Variants in NIPAL1 observed in about 807,000 individuals in gnomAD.
NIPAL1 encodes magnesium transporter NIPA3.
In NIPAL1, 35 loss-of-function variants were observed where a neutral mutation model predicts 37.7. The ratio of observed to expected loss-of-function variants is 0.93; its 90% confidence interval spans 0.71 to 1.23. The LOEUF is 1.23. Among genes scored for constraint, NIPAL1 ranks in the 50% most tolerant of loss-of-function variants. NIPAL1 has a pLI of 0.00. For synonymous variants in NIPAL1, 162 were observed against 183.0 expected (o/e 0.89, Z 0.93); for missense variants, 412 against 473.9 (o/e 0.87, Z 1.21).
intron 3 of NIPAL1, among the ~76,000 whole-genome samples, 159 bp from the exon 4 acceptor site, chr4:48,032,834 A>G (rs943144678): frequency 3.3e-5 from 5 of 152,172 alleles, no homozygotes; most frequent in African/African-American, 1.2e-4. Flanking sequence ...CTTAATATTA[A>G]TTATCTCCTA....
chr4:48,020,026 A>G (rs1336893575), intron 1 of NIPAL1, among the ~76,000 whole-genome samples: 1 of 152,146 alleles, frequency 6.6e-6, no homozygotes, highest in Non-Finnish European at 1.5e-5. Context: ...ACATACGTAT[A>G]GTTATTTGTT....
chr4:48,023,662 A>G (rs1460089360), intron 1 of NIPAL1, among the ~76,000 whole-genome samples: 2 of 152,220 alleles, frequency 1.3e-5, no homozygotes, highest in Non-Finnish European at 2.9e-5. Context: ...GATTATAAAA[A>G]GTTTCTTACA....
At position 48,016,852 on chromosome 4, in the gene NIPAL1, G is replaced by T. The variant is rs1451652289; in HGVS notation, c.13G>T (p.Val5Leu). MGAQ[V>L]RLPPGEPCRE... ...CGCTCCCGGGGCCATGGGGGCACAG[G>T]TGAGGCTGCCGCCCGGAGAGCCCTG... The change falls in exon 1 of 6, where the codon GTG (valine) becomes TTG (leucine). Residue 5 changes from valine (V) to leucine (L), a missense_variant. By Grantham distance (32) the Val-to-Leu change is conservative (BLOSUM62 1). Transcript: ENST00000295461. The T allele has an allele frequency of 6.3e-7, 1 of 1,590,460 alleles. No homozygotes were observed.
intron 2 of NIPAL1, among the ~76,000 whole-genome samples, chr4:48,028,123 G>T (rs1414205780): frequency 1.3e-5 from 2 of 152,034 alleles, no homozygotes; most frequent in Non-Finnish European, 2.9e-5. Flanking sequence ...AAAGTTTTAA[G>T]CAATCCTAAG....
intron 4 of NIPAL1, among the ~76,000 whole-genome samples, chr4:48,033,500 C>G (rs1021587389): frequency 1.3e-5 from 2 of 152,096 alleles, no homozygotes; most frequent in African/African-American, 4.8e-5. Flanking sequence ...CTCATCAGAA[C>G]AAATTGCCAG....
At chr4:48,024,177 C>T (rs538153151) in intron 1 of NIPAL1, among the ~76,000 whole-genome samples, 1 of 152,272 alleles carries the variant, frequency 6.6e-6, no homozygotes, top group East Asian at 1.9e-4. Flanking sequence ...TGGGGTTTCA[C>T]CATGTTGGCC....
In NIPAL1 at chr4:48,025,098, C is replaced by T; in HGVS notation, c.77C>T (p.Ser26Phe). The change falls in exon 2 of 6, where the codon TCC (serine) becomes TTC (phenylalanine). Residue 26 changes from serine (S) to phenylalanine (F), a missense_variant. Physicochemically the swap from Ser to Phe is radical, Grantham distance 155. Transcript: ENST00000295461. ...GTGCTGTCTCTGGTCTGTCCAAACTCCTCCCAGGCTTGGTGTGAGATCACA... is the reference window on the plus strand; with the variant it reads ...GTGCTGTCTCTGGTCTGTCCAAACTTCTCCCAGGCTTGGTGTGAGATCACA... ...GYVLSLVCPN[S>F]SQAWCEITNV... The T allele has an allele frequency of 6.2e-7, 1 of 1,614,062 alleles. No individual in the cohort carries two copies.
rs1416050941 is a variant in NIPAL1 at position 48,027,421 on chromosome 4, T to G, written c.313+2087T>G. Among the ~76,000 whole-genome samples the G allele has an allele frequency of 6.6e-6, 1 of 152,104 alleles. No individual in the cohort carries two copies. The highest frequency in any genetic ancestry group is 1.5e-5 in the Non-Finnish European group (1 of 68,008). On this transcript the variant is annotated intron_variant, in intron 2 of 5. Coordinates refer to ENST00000295461, the MANE Select transcript of NIPAL1 (RefSeq NM_207330.3). This position sits in a 1 kb window ranked among gnomAD's most constrained non-coding sequence, Gnocchi z 4.1. ...AACATAATTCCAACTTAGTTATTTG[T>G]AAATGTAATGACCAATAAACATACA...
intron 4 of NIPAL1, 84 bp downstream of exon 4, chr4:48,033,167 A>C: frequency 1.2e-6 from 1 of 844,930 alleles, no homozygotes. Flanking sequence ...ATGGCTATGG[A>C]TATCTAAAAG....
chr4:48,037,297 G>T lies in NIPAL1; in HGVS notation c.*1125G>T. 2.3e-6 allele frequency: 1 copy of T among 429,732 alleles called. No homozygotes were observed. The highest frequency in any genetic ancestry group is 4.6e-6 in the Non-Finnish European group (1 of 216,188). The allele number at this position is 429,732 out of a possible 1,614,324, so 26.6% of individuals were successfully genotyped here. ...TTCACAGGTTCCATTAATTAACTCAGGTCTGGAAGACATAGGACAAAATGG... is the reference window on the plus strand; with the variant it reads ...TTCACAGGTTCCATTAATTAACTCATGTCTGGAAGACATAGGACAAAATGG... On this transcript the variant is annotated 3_prime_UTR_variant, in exon 6 of 6. Coordinates refer to ENST00000295461, the MANE Select transcript of NIPAL1 (RefSeq NM_207330.3).
At chr4:48,025,000 C>A in intron 1 of NIPAL1, 68 bp from the exon 2 acceptor site, 1 of 1,399,928 alleles carries the variant, frequency 7.1e-7, no homozygotes, top group Non-Finnish European at 1.0e-6. Context: ...CTGTTTCCTG[C>A]AGAAAGCCGG....
chr4:48,024,999 G>A, intron 1 of NIPAL1, 69 bp from the exon 2 acceptor site: 2 of 1,394,988 alleles, frequency 1.4e-6, no homozygotes, highest in Non-Finnish European at 2.0e-6. Flanking sequence ...TCTGTTTCCT[G>A]CAGAAAGCCG....
chr4:48,021,243 C>A (rs990245458), intron 1 of NIPAL1, among the ~76,000 whole-genome samples: 1 of 152,108 alleles, frequency 6.6e-6, no homozygotes, highest in African/African-American at 2.4e-5. Flanking sequence ...TTATGAGGCA[C>A]CAGTATTGTA....
In NIPAL1 at chr4:48,036,302, G is replaced by C. The variant is rs1312489329; in HGVS notation, c.*130G>C. On this transcript the variant is annotated 3_prime_UTR_variant, in exon 6 of 6. Coordinates refer to ENST00000295461, the MANE Select transcript of NIPAL1 (RefSeq NM_207330.3). ...CTAACTAATTTAGATGTGAGGCCAAGTAAAAATGCCATTTTTTTGGCCATT... is the reference window on the plus strand; with the variant it reads ...CTAACTAATTTAGATGTGAGGCCAACTAAAAATGCCATTTTTTTGGCCATT... The C allele has an allele frequency of 1.3e-6, 1 of 790,108 alleles. No individual in the cohort carries two copies. The highest frequency in any genetic ancestry group is 1.8e-5 in the African/African-American group (1 of 55,128). The allele number at this position is 790,108 out of a possible 1,614,324, so 48.9% of individuals were successfully genotyped here.
Position 48,035,691 on chromosome 4 carries a change from T to TA in NIPAL1, c.752_753insA (p.Ser252PhefsTer11). On this transcript the variant is annotated frameshift_variant, in exon 6 of 6. Coordinates refer to ENST00000295461, the MANE Select transcript of NIPAL1 (RefSeq NM_207330.3). LOFTEE classifies it high-confidence loss of function. ...TGTTCCTTGATTGGAGCGTTTTCAG[T>TA]TTCTTCTGTGAAAGGCCTGGGAATT... 1 of 1,614,034 alleles carries TA rather than the reference T, an allele frequency of 6.2e-7. No individual in the cohort carries two copies. Among genetic ancestry groups the TA allele is most frequent in the Non-Finnish European group, 8.5e-7 (1 of 1,179,992 alleles).
intron 1 of NIPAL1, among the ~76,000 whole-genome samples, chr4:48,019,360 A>C (rs975176844): frequency 6.6e-6 from 1 of 152,246 alleles, no homozygotes; most frequent in African/African-American, 2.4e-5. Context: ...AGAGTCTCTA[A>C]TCCAAAATTA....
intron 2 of NIPAL1, among the ~76,000 whole-genome samples, chr4:48,029,822 A>C (rs1230489796): frequency 6.6e-6 from 1 of 152,204 alleles, no homozygotes; most frequent in African/African-American, 2.4e-5. Context: ...TAATCATTCC[A>C]GTGTTGCAAA....
At chr4:48,020,567 G>T (rs1474841911) in intron 1 of NIPAL1, among the ~76,000 whole-genome samples, 2 of 152,186 alleles carry the variant, frequency 1.3e-5, no homozygotes, top group African/African-American at 4.8e-5. Flanking sequence ...TGTGGGATGA[G>T]CTCAGATCTG....
In NIPAL1 at chr4:48,036,247, AC is replaced by A; in HGVS notation, c.*76del. ...AAATGAATGCTTGCTTCTTGGAAGA[AC>A]TGCTAGGAAAGTTAGCATTTTTGCA... On this transcript the variant is annotated 3_prime_UTR_variant, in exon 6 of 6. Transcript: ENST00000295461. 7.2e-7 allele frequency: 1 copy of A among 1,390,754 alleles called. No homozygotes were observed. The highest frequency in any genetic ancestry group is 9.7e-7 in the Non-Finnish European group (1 of 1,026,856). 86.2% of individuals were successfully genotyped at this position (1,390,754 alleles called of 1,614,324 possible).
Sources: gnomAD v4.1 joint callset for allele counts (sites outside exome capture counted in the v4.1 genomes callset) on GRCh38, gnomAD v4.1.1 for gene constraint, Gnocchi (gnomAD v3.1) non-coding constraint, MANE v1.5 for transcripts, NCBI Gene and HGNC (gene_info 2026-07-23, HGNC 2026-07-21) for gene names.